The following RAD50 variants were observed in gnomAD, a reference collection of about 807,000 sequenced individuals.
The protein encoded by RAD50 is RAD50 double strand break repair protein.
Under a neutral mutation model 168.8 loss-of-function variants are expected in RAD50, and 132 were observed. That is an observed-to-expected ratio of 0.78 (90% CI 0.68 to 0.90). The LOEUF (loss-of-function observed/expected upper bound fraction) is 0.90, where lower values mean the gene tolerates loss of function less well. Ranked by LOEUF, RAD50 falls within the 40% of genes least tolerant of loss-of-function variation. The pLI is 0.00. For missense variants in RAD50, 1,347 were observed against 1,534.4 expected (o/e 0.88, Z 2.04); for synonymous variants, 525 against 497.4 (o/e 1.06, Z -0.74).
chr5:132,559,415 A>G, intron 2 of RAD50, 48 bp downstream of exon 2: 1 of 1,552,506 alleles, frequency 6.4e-7, no homozygotes. Context: ...TAAAAATGAT[A>G]ATAGCTTATT....
Position 132,589,824 on chromosome 5 carries a change from A to G in RAD50, c.1439A>G (p.Glu480Gly). Residue 480 changes from glutamate to glycine, a missense_variant, in exon 9 of 25, where the codon GAG becomes GGG. Coordinates refer to ENST00000378823, the MANE Select transcript of RAD50 (RefSeq NM_005732.4). ...GACAGGATTCTTGAACTGGACCAGG[A>G]GCTCATAAAAGCTGTAAGATATTGT... ...SSDRILELDQELIKAERELSK... is the reference protein window; with the variant it reads ...SSDRILELDQGLIKAERELSK... The G allele has an allele frequency of 6.2e-7, 1 of 1,610,794 alleles. No homozygotes were observed. Among genetic ancestry groups the G allele is most frequent in the East Asian group, 2.2e-5 (1 of 44,774 alleles).
At position 132,644,478 on chromosome 5, in the gene RAD50, C is replaced by CCTT. The variant is rs554055561; in HGVS notation, c.*2115_*2117dup. The CCTT allele has an allele frequency of 1.4e-3, 255 of 177,600 alleles. 1 individual carries two copies. Among genetic ancestry groups the CCTT allele is most frequent in the African/African-American group, 5.9e-3 (248 of 42,360 alleles). 11.0% of individuals were successfully genotyped at this position (177,600 alleles called of 1,614,324 possible). On this transcript the variant is annotated 3_prime_UTR_variant, in exon 25 of 25. Transcript: ENST00000378823. ...AAGTTATTTGTCCTGTTTTCTGTTT[C>CCTT]CTTATATGTAAAAGTGGGTAAAATG...
intron 3 of RAD50, among the ~76,000 whole-genome samples, chr5:132,578,524 C>CTTTTTT (rs903882684): frequency 7.6e-4 from 64 of 84,330 alleles, no homozygotes; most frequent in South Asian, 1.2e-3. Context: ...TTTTTTCTTT[C>CTTTTTT]TTTTTTTTTT....
At chr5:132,574,386 C>T (rs1050682978) in intron 2 of RAD50, among the ~76,000 whole-genome samples, 9 of 152,190 alleles carry the variant, frequency 5.9e-5, no homozygotes, top group Non-Finnish European at 1.2e-4. Context: ...TTAGTTGTGG[C>T]TGGGACACAG....
At chr5:132,613,592 GTC>G (rs1281560579) in intron 19 of RAD50, among the ~76,000 whole-genome samples, 95 of 125,292 alleles carry the variant, frequency 7.6e-4, no homozygotes, top group African/African-American at 3.3e-3. Flanking sequence ...CTTCACAATA[GTC>G]TTTTTTTTTT....
chr5:132,619,812 ACTCCTCTCTCTCTCTCTCTCTCTC>A (rs1458227064), intron 21 of RAD50, among the ~76,000 whole-genome samples: 2 of 94,860 alleles, frequency 2.1e-5, no homozygotes, highest in South Asian at 3.1e-4. Flanking sequence ...CTCTCTCTCT[ACTCCTCTCTCTCTCTCTCTCTCTC>A]TATATATATA....
intron 3 of RAD50, among the ~76,000 whole-genome samples, chr5:132,576,420 A>G (rs1251757874): frequency 6.6e-6 from 1 of 152,172 alleles, no homozygotes; most frequent in African/African-American, 2.4e-5. Context: ...TCATTTTCTA[A>G]TGGATATGGA....
Position 132,619,883 on chromosome 5 carries a change from TATAG to T in RAD50, c.3389+1591_3389+1594del, listed in dbSNP as rs1324701255. Among the ~76,000 whole-genome samples the T allele has an allele frequency of 5.6e-5, 7 of 124,114 alleles. No homozygotes were observed. In the South Asian group the frequency reaches 1.0e-3, roughly 18 times the overall value. 81.4% of individuals were successfully genotyped at this position (124,114 alleles called of 152,430 possible). A position where few individuals can be genotyped will look rare whatever the true frequency, so the allele number is the denominator to read the frequency against. ...ATATATATATAAAGATATATATATA[TATAG>T]AGAGAGAGAGAGAGAGATATATCTT... On this transcript the variant is annotated intron_variant, in intron 21 of 24. Transcript: ENST00000378823.
At chr5:132,559,847 A>G (rs1439298751) in intron 2 of RAD50, among the ~76,000 whole-genome samples, 1 of 152,100 alleles carries the variant, frequency 6.6e-6, no homozygotes, top group Non-Finnish European at 1.5e-5. Context: ...AGAGGCTGAG[A>G]TGGGAGGATT....
chr5:132,585,726 C>A (rs1481601959), intron 5 of RAD50, among the ~76,000 whole-genome samples: 1 of 151,650 alleles, frequency 6.6e-6, no homozygotes, highest in Admixed American at 6.6e-5. Flanking sequence ...ACCTCAGTCT[C>A]CCACGTAGCT....
chr5:132,616,566 G>A (rs1268968343), intron 20 of RAD50, among the ~76,000 whole-genome samples: 1 of 152,162 alleles, frequency 6.6e-6, no homozygotes, highest in Non-Finnish European at 1.5e-5. Context: ...GTCCACCAGA[G>A]CATTTCTTTT....
chr5:132,611,785 A>G (rs1466891687), intron 19 of RAD50, among the ~76,000 whole-genome samples: 1 of 151,786 alleles, frequency 6.6e-6, no homozygotes, highest in Non-Finnish European at 1.5e-5. Flanking sequence ...CCAGTTTCCT[A>G]TACTGACTAC....
rs189259126 is a variant in RAD50, at chr5:132,620,822, G to A, written c.3389+2528G>A. On this transcript the variant is annotated intron_variant, in intron 21 of 24. Transcript: ENST00000378823. The stretch of plus-strand genomic sequence containing the variant: ...TTAACATATATTTTGTATGTTATGT[G>A]TATTATATGCAGTATTCTTTCACAA... Among the ~76,000 whole-genome samples the A allele has an allele frequency of 4.6e-5, 7 of 152,260 alleles. No homozygotes were observed. In the South Asian group the frequency reaches 1.0e-3, roughly 23 times the overall value.
At chr5:132,575,083 A>G (rs1388664059) in intron 2 of RAD50, among the ~76,000 whole-genome samples, 1 of 151,936 alleles carries the variant, frequency 6.6e-6, no homozygotes, top group African/African-American at 2.4e-5. Flanking sequence ...TTTCAGCAGC[A>G]CTCCACTCCT....
chr5:132,609,553 G>A (rs562569395), intron 19 of RAD50, among the ~76,000 whole-genome samples, 157 bp downstream of exon 19: 5 of 152,268 alleles, frequency 3.3e-5, no homozygotes, highest in East Asian at 1.9e-4. Flanking sequence ...AGGCCGAGGC[G>A]GGTGGATCAC....
At chr5:132,637,036 A>G (rs1751594101) in intron 21 of RAD50, 79 bp from the exon 22 acceptor site, 2 of 1,016,090 alleles carry the variant, frequency 2.0e-6, no homozygotes, top group Non-Finnish European at 2.5e-6. Context: ...TATATATTAT[A>G]TATTTTATGT....
At chr5:132,627,276 A>T (rs148624379) in intron 21 of RAD50, among the ~76,000 whole-genome samples, 1 of 152,234 alleles carries the variant, frequency 6.6e-6, no homozygotes, top group African/African-American at 2.4e-5. Flanking sequence ...GTAACTCTTC[A>T]GTGAGGTGCT....
chr5:132,620,103 C>T (rs928147200), intron 21 of RAD50, among the ~76,000 whole-genome samples: 1 of 151,870 alleles, frequency 6.6e-6, no homozygotes, highest in Admixed American at 6.6e-5. Flanking sequence ...GATGGGGTTT[C>T]ACCGTGTTAG....
chr5:132,577,460 G>A (rs1750419507), intron 3 of RAD50, among the ~76,000 whole-genome samples: 1 of 152,120 alleles, frequency 6.6e-6, no homozygotes, highest in African/African-American at 2.4e-5. Flanking sequence ...TGGACATCTT[G>A]GAGGACCATT....
Sources: allele counts gnomAD v4.1 joint callset (sites outside exome capture counted in the v4.1 genomes callset), GRCh38; gene constraint gnomAD v4.1.1; transcripts MANE v1.5; gene names NCBI Gene and HGNC (gene_info 2026-07-23, HGNC 2026-07-21).